The following NUBPL variants were observed in gnomAD, a reference collection of about 807,000 sequenced individuals.
NUBPL encodes iron-sulfur cluster transfer protein NUBPL.
In NUBPL, 31 loss-of-function variants were observed where a neutral mutation model predicts 45.7. The ratio of observed to expected loss-of-function variants is 0.68; its 90% CI spans 0.51 to 0.92. NUBPL has a LOEUF of 0.92. NUBPL is among the 40% of genes least tolerant of loss of function. The pLI, the probability that NUBPL is intolerant of heterozygous loss-of-function variation, is 0.00. For synonymous variants in NUBPL, 144 were observed against 140.9 expected, an observed-to-expected ratio of 1.02 and a Z score of -0.15; for missense variants, 401 against 398.7, an observed-to-expected ratio of 1.01 and a Z score of -0.05.
chr14:31,776,506 G>C (rs914090046), intron 6 of NUBPL, among the ~76,000 whole-genome samples: 3 of 152,168 alleles, frequency 2.0e-5, no homozygotes, highest in Non-Finnish European at 4.4e-5. Flanking sequence ...AAGCTGACTG[G>C]ATCCTGCCAT....
chr14:31,579,573 T>A (rs1021010434), intron 3 of NUBPL, among the ~76,000 whole-genome samples: 1 of 152,220 alleles, frequency 6.6e-6, no homozygotes, highest in Non-Finnish European at 1.5e-5. Flanking sequence ...GGTAGTATTT[T>A]AGTATGTCAT....
chr14:31,619,840 G>A (rs2035012012), intron 4 of NUBPL, among the ~76,000 whole-genome samples: 1 of 152,026 alleles, frequency 6.6e-6, no homozygotes, highest in South Asian at 2.1e-4. Context: ...TGCCTTGCTC[G>A]GTTGGGGGAG....
intron 7 of NUBPL, among the ~76,000 whole-genome samples, chr14:31,789,729 C>T (rs1342363107): frequency 6.6e-6 from 1 of 151,900 alleles, no homozygotes; most frequent in Admixed American, 6.6e-5. Context: ...ACAAAATATA[C>T]GTGTTGTTTG....
intron 6 of NUBPL, among the ~76,000 whole-genome samples, chr14:31,759,078 C>T (rs564567913): frequency 1.0e-4 from 15 of 150,334 alleles, no homozygotes; most frequent in Non-Finnish European, 4.5e-5. Flanking sequence ...TTAAAAAAAA[C>T]AAAAAACAAA....
intron 8 of NUBPL, among the ~76,000 whole-genome samples, chr14:31,841,696 T>TCTGC (rs1354880582): frequency 6.6e-6 from 1 of 152,176 alleles, no homozygotes; most frequent in Non-Finnish European, 1.5e-5. Flanking sequence ...TAGAAAAATC[T>TCTGC]CTGCCTGCCT....
chr14:31,715,282 A>G lies in NUBPL; in HGVS notation c.513+41708A>G, dbSNP rs1051137874. Among the ~76,000 whole-genome samples the G allele has an allele frequency of 4.6e-5, 7 of 152,184 alleles. No individual in the cohort carries two copies. In the South Asian group the frequency reaches 6.2e-4, roughly 13 times the overall value. On this transcript the variant is annotated intron_variant, in intron 6 of 10. Transcript: ENST00000281081. ...TTTCTCTGCTCATTTCTTAAATATC[A>G]GTCCTTAACATGGGTATAATTATTC...
At chr14:31,599,171 A>T in intron 3 of NUBPL, 118 bp from the exon 4 acceptor site, 1 of 798,642 alleles carries the variant, frequency 1.3e-6, no homozygotes, top group South Asian at 1.5e-5. Context: ...TATTTTGCCA[A>T]TTTTATTTTC....
At chr14:31,749,304 A>G (rs892544183) in intron 6 of NUBPL, among the ~76,000 whole-genome samples, 1 of 151,936 alleles carries the variant, frequency 6.6e-6, no homozygotes, top group Non-Finnish European at 1.5e-5. Context: ...CCTGAATTTT[A>G]TACTTTATAC....
At chr14:31,754,024 T>C (rs140101508) in intron 6 of NUBPL, among the ~76,000 whole-genome samples, 33 of 152,332 alleles carry the variant, frequency 2.2e-4, no homozygotes, top group Admixed American at 1.3e-3. Flanking sequence ...TATCTTGATA[T>C]AGCCATTCCA....
intron 4 of NUBPL, among the ~76,000 whole-genome samples, chr14:31,630,863 T>G (rs1279239396): frequency 6.6e-6 from 1 of 152,212 alleles, no homozygotes; most frequent in Admixed American, 6.5e-5. Context: ...TCTCCAGTGA[T>G]TCTTTCCCCA....
rs111291311 is a variant in NUBPL at position 31,773,291 on chromosome 14, A to G, written c.514-14489A>G. 2.0e-3 allele frequency among the ~76,000 whole-genome samples: 301 copies of G among 152,320 alleles called. 6 individuals carry two copies. Among genetic ancestry groups the G allele is most frequent in the Non-Finnish European group, 3.1e-3 (210 of 68,034 alleles). On this transcript the variant is annotated intron_variant, in intron 6 of 10. Coordinates refer to ENST00000281081, the MANE Select transcript of NUBPL (RefSeq NM_025152.3). ...GCTCAATTTTAGATTTATGTTGTAC[A>G]TAAAAGGTGCCTCACATGGCAAAAA...
intron 4 of NUBPL, among the ~76,000 whole-genome samples, chr14:31,668,335 T>C (rs2036488099): frequency 6.6e-6 from 1 of 152,192 alleles, no homozygotes; most frequent in Non-Finnish European, 1.5e-5. Context: ...CAGTCTGAAC[T>C]TCCTGGTGGC....
At chr14:31,750,399 C>T (rs550002791) in intron 6 of NUBPL, among the ~76,000 whole-genome samples, 11 of 148,628 alleles carry the variant, frequency 7.4e-5, no homozygotes, top group East Asian at 3.9e-4. Context: ...TTAGTAGAGA[C>T]GGGGTTTCAC....
At chr14:31,698,674 G>A (rs1323411507) in intron 6 of NUBPL, among the ~76,000 whole-genome samples, 1 of 151,952 alleles carries the variant, frequency 6.6e-6, no homozygotes, top group Non-Finnish European at 1.5e-5. Flanking sequence ...TGGCTACTGC[G>A]AACATTTACT....
intron 4 of NUBPL, among the ~76,000 whole-genome samples, chr14:31,615,644 G>A (rs898799208): frequency 2.0e-5 from 3 of 152,120 alleles, no homozygotes; most frequent in Non-Finnish European, 4.4e-5. Context: ...CTTTATGGCT[G>A]CATAATATTT....
At chr14:31,735,569 A>G (rs560454386) in intron 6 of NUBPL, among the ~76,000 whole-genome samples, 2 of 152,174 alleles carry the variant, frequency 1.3e-5, no homozygotes, top group Non-Finnish European at 2.9e-5. Context: ...CATCAGAGTG[A>G]ATGGCCAGGC....
chr14:31,836,912 G>A (rs1244215367), intron 8 of NUBPL, among the ~76,000 whole-genome samples: 3 of 152,194 alleles, frequency 2.0e-5, no homozygotes, highest in Non-Finnish European at 4.4e-5. Flanking sequence ...GTATATAACT[G>A]TTGTATGAGC....
chr14:31,692,414 A>G (rs1369776832), intron 6 of NUBPL, among the ~76,000 whole-genome samples: 1 of 152,252 alleles, frequency 6.6e-6, no homozygotes, highest in Non-Finnish European at 1.5e-5. Flanking sequence ...AAAAAGCCAC[A>G]GAAAGAAAAA....
chr14:31,776,639 G>A (rs1001867797), intron 6 of NUBPL, among the ~76,000 whole-genome samples: 8 of 152,156 alleles, frequency 5.3e-5, no homozygotes, highest in Admixed American at 1.3e-4. Context: ...TCATCTTCAT[G>A]TTCAGGTTAT....
Sources: gnomAD v4.1 joint callset for allele counts (sites outside exome capture counted in the v4.1 genomes callset) on GRCh38, gnomAD v4.1.1 for gene constraint, MANE v1.5 for transcripts, NCBI Gene and HGNC (gene_info 2026-07-23, HGNC 2026-07-21) for gene names.